Variants in ANXA13 observed in about 807,000 individuals in gnomAD.
ANXA13 encodes annexin A13, also known as annexin XIII.
Under a neutral mutation model 46.6 loss-of-function variants are expected in ANXA13, and 36 were observed. The observed-to-expected ratio is 0.77, with a 90% confidence interval of 0.59 to 1.02. The LOEUF (loss-of-function observed/expected upper bound fraction) is 1.02, where lower values mean the gene tolerates loss of function less well. Among genes scored for constraint, ANXA13 ranks in the 50% least tolerant of loss-of-function variants. ANXA13 has a pLI of 0.00. For synonymous variants in ANXA13, 163 were observed against 152.9 expected (o/e 1.07, Z -0.49); for missense variants, 417 against 396.5 (o/e 1.05, Z -0.44).
intron 1 of ANXA13, among the ~76,000 whole-genome samples, chr8:123,727,269 CT>C (rs1814019192): frequency 6.6e-6 from 1 of 152,116 alleles, no homozygotes; most frequent in South Asian, 2.1e-4. Flanking sequence ...AAACTGCTGC[CT>C]CTTGGCTGCT....
intron 1 of ANXA13, chr8:123,729,290 A>T (rs1005320041): frequency 6.6e-6 from 1 of 152,146 alleles, no homozygotes; most frequent in Non-Finnish European, 1.5e-5. Context: ...TGCTTCCCAT[A>T]CGAGGAAAAC....
intron 4 of ANXA13, among the ~76,000 whole-genome samples, chr8:123,697,888 T>C (rs1813372005): frequency 6.6e-6 from 1 of 152,242 alleles, no homozygotes; most frequent in Non-Finnish European, 1.5e-5. Context: ...CTCTGTCTGA[T>C]GACAGAAGGA....
chr8:123,735,245 A>C (rs182210428), intron 1 of ANXA13, among the ~76,000 whole-genome samples: 11 of 152,264 alleles, frequency 7.2e-5, no homozygotes, highest in Admixed American at 5.2e-4. Flanking sequence ...AACAGCATTG[A>C]CTTATAACAT....
intron 1 of ANXA13, among the ~76,000 whole-genome samples, chr8:123,713,240 G>C (rs758053245): frequency 1.2e-4 from 18 of 152,158 alleles, no homozygotes; most frequent in Non-Finnish European, 2.2e-4. Flanking sequence ...TATTTGGTTT[G>C]TTGGAGATAC....
rs145940109 is a variant in ANXA13 at position 123,691,882 on chromosome 8, T to TAC, written c.642+1313_642+1314dup. On this transcript the variant is annotated intron_variant, in intron 8 of 10. Transcript: ENST00000419625. ...AGTGTACTTTCAGGTAGTCAGTTCA[T>TAC]ACACACACACACACGTACCCAGAAA... is the stretch of plus-strand genomic sequence containing the variant. 6.1e-4 allele frequency among the ~76,000 whole-genome samples: 92 copies of TAC among 151,796 alleles called. No individual in the cohort carries two copies. In the East Asian group the frequency reaches 9.5e-3, roughly 16 times the overall value.
chr8:123,699,376 T>C (rs1813402897), intron 3 of ANXA13, among the ~76,000 whole-genome samples: 1 of 151,686 alleles, frequency 6.6e-6, no homozygotes, highest in South Asian at 2.1e-4. Context: ...AGAGATGGGG[T>C]TTTGCCATGT....
At chr8:123,736,847 CT>C (rs34405438) in intron 1 of ANXA13, among the ~76,000 whole-genome samples, 34 of 113,428 alleles carry the variant, frequency 3.0e-4, no homozygotes, top group Admixed American at 3.2e-4. Context: ...ATCCCCAGTG[CT>C]TTTTTTTTTT....
At chr8:123,689,108 C>A (rs982156078) in intron 8 of ANXA13, among the ~76,000 whole-genome samples, 162 bp from the exon 9 acceptor site, 1 of 151,998 alleles carries the variant, frequency 6.6e-6, no homozygotes, top group Non-Finnish European at 1.5e-5. Context: ...GGGGTGTTTG[C>A]CACCCATTCG....
intron 1 of ANXA13, chr8:123,729,341 TAGAA>T (rs898602621): frequency 2.0e-5 from 3 of 152,130 alleles, no homozygotes; most frequent in East Asian, 1.9e-4. Context: ...GGCCAACACA[TAGAA>T]AGAAGAGAGA....
Position 123,719,788 on chromosome 8 carries a change from A to G in ANXA13, c.16-7035T>C, listed in dbSNP as rs561496655. 5.3e-5 allele frequency among the ~76,000 whole-genome samples: 8 copies of G among 152,158 alleles called. No homozygotes were observed. The South Asian group carries it at 1.7e-3, about 32-fold the overall frequency. On this transcript the variant is annotated intron_variant, in intron 1 of 10. Transcript: ENST00000419625. ...TAGTGTGGACTTGGGAGTCAGACCTACTCTGTTCAATTGCTGTTTTGCCCT... is the reference window on the plus strand; with the variant it reads ...TAGTGTGGACTTGGGAGTCAGACCTGCTCTGTTCAATTGCTGTTTTGCCCT...
chr8:123,723,839 T>C (rs1193779682), intron 1 of ANXA13, among the ~76,000 whole-genome samples: 5 of 152,232 alleles, frequency 3.3e-5, no homozygotes, highest in Admixed American at 2.0e-4. Flanking sequence ...TCATGTTCAC[T>C]CTCATATCCC....
chr8:123,719,699 G>A (rs185646733), intron 1 of ANXA13, among the ~76,000 whole-genome samples: 2 of 152,188 alleles, frequency 1.3e-5, no homozygotes, highest in Admixed American at 6.5e-5. Flanking sequence ...GTGTACTTGC[G>A]TGCTTACTAT....
chr8:123,706,281 A>T (rs1355029207), intron 2 of ANXA13, among the ~76,000 whole-genome samples: 1 of 152,226 alleles, frequency 6.6e-6, no homozygotes, highest in Non-Finnish European at 1.5e-5. Context: ...ATCTCACTTC[A>T]AAAGGGATTT....
At chr8:123,687,855 C>A (rs1813168476) in intron 9 of ANXA13, among the ~76,000 whole-genome samples, 1 of 152,192 alleles carries the variant, frequency 6.6e-6, no homozygotes, top group Non-Finnish European at 1.5e-5. Context: ...CAGACACAGC[C>A]CCATGCCCAT....
chr8:123,682,421 AC>A (rs1450977515), intron 10 of ANXA13, among the ~76,000 whole-genome samples: 1 of 152,262 alleles, frequency 6.6e-6, no homozygotes, highest in African/African-American at 2.4e-5. Context: ...ACTCTTTTTA[AC>A]CAGGAGTCTT....
rs1385414000 is a variant in ANXA13 at position 123,693,262 on chromosome 8, A to G, written c.577T>C (p.Phe193Leu). The part of the protein sequence containing the change: ...EGRWGTDELA[F>L]NEVLAKRSYK... ...CTCCTCTTGGCCAGGACTTCATTGA[A>G]CGCAAGCTCATCAGTGCCCCAGCGG... Residue 193 changes from phenylalanine to leucine, a missense_variant, in exon 8 of 11, where the codon TTC becomes CTC. Phe to Leu is a conservative substitution (Grantham distance 22). Coordinates refer to ENST00000419625, the MANE Select transcript of ANXA13 (RefSeq NM_004306.4). 3 of 1,614,154 alleles carry G rather than the reference A, an allele frequency of 1.9e-6. No homozygotes were observed. Among genetic ancestry groups the G allele is most frequent in the Non-Finnish European group, 1.7e-6 (2 of 1,180,016 alleles).
At position 123,693,189 on chromosome 8, in the gene ANXA13, T is replaced by C. The variant is rs1392835064; in HGVS notation, c.642+8A>G. Reference sequence around the variant, plus strand: ...TGAACTCTTTTGCCCCAATACTTTATGACTTACAATTTGATAGGCTTGAAA... The same window carrying C: ...TGAACTCTTTTGCCCCAATACTTTACGACTTACAATTTGATAGGCTTGAAA... On this transcript the variant is annotated splice_region_variant and intron_variant, in intron 8 of 10. Coordinates refer to ENST00000419625, the MANE Select transcript of ANXA13 (RefSeq NM_004306.4). 30 of 1,613,110 alleles carry C rather than the reference T, an allele frequency of 1.9e-5. No homozygotes were observed. The highest frequency in any genetic ancestry group is 2.5e-5 in the Non-Finnish European group (29 of 1,179,096).
intron 10 of ANXA13, among the ~76,000 whole-genome samples, chr8:123,683,655 T>C (rs1388089751): frequency 3.3e-5 from 5 of 150,196 alleles, no homozygotes; most frequent in African/African-American, 1.2e-4. Context: ...GGCACCATCT[T>C]GGCTCACTGC....
chr8:123,706,119 AG>A (rs1409042902), intron 2 of ANXA13, among the ~76,000 whole-genome samples: 3 of 152,210 alleles, frequency 2.0e-5, no homozygotes, highest in African/African-American at 7.2e-5. Flanking sequence ...AGCAGGAGTG[AG>A]TTGCCTGCCT....
Sources: allele counts gnomAD v4.1 joint callset (sites outside exome capture counted in the v4.1 genomes callset), GRCh38; gene constraint gnomAD v4.1.1; transcripts MANE v1.5; gene names NCBI Gene and HGNC (gene_info 2026-07-23, HGNC 2026-07-21).